The following PPP1R9A variants were observed in gnomAD, a reference collection of about 807,000 sequenced individuals.
PPP1R9A encodes neurabin-1.
A neutral mutation model predicts 141.9 loss-of-function variants in PPP1R9A; 59 were observed. The observed-to-expected ratio is 0.42, with a 90% CI of 0.34 to 0.52. The LOEUF (loss-of-function observed/expected upper bound fraction) is 0.52. Among genes scored for constraint, PPP1R9A ranks in the 20% least tolerant of loss-of-function variants. The probability of loss-of-function intolerance (pLI) is 0.10; values close to 1 mark genes in which losing one functional copy is unlikely to be tolerated. For missense variants in PPP1R9A, 1,444 were observed against 1,611.9 expected (o/e 0.90, Z 1.78); for synonymous variants, 500 against 569.7 (o/e 0.88, Z 1.74).
intron 16 of PPP1R9A, among the ~76,000 whole-genome samples, chr7:95,282,662 A>AT (rs1036402929): frequency 1.3e-5 from 2 of 152,160 alleles, no homozygotes; most frequent in Non-Finnish European, 2.9e-5. Flanking sequence ...AACCAGATTC[A>AT]TGTTTTTGGA....
At chr7:95,192,813 T>C (rs1338306855) in intron 5 of PPP1R9A, among the ~76,000 whole-genome samples, 4 of 151,910 alleles carry the variant, frequency 2.6e-5, no homozygotes, top group Admixed American at 6.6e-5. Context: ...ACTGAAATAA[T>C]AACCTTACTT....
intron 2 of PPP1R9A, among the ~76,000 whole-genome samples, chr7:95,077,685 T>G (rs527496774): frequency 6.6e-6 from 1 of 152,266 alleles, no homozygotes; most frequent in African/African-American, 2.4e-5. Flanking sequence ...GGGAGGTATG[T>G]AAGAAATAAT....
At position 95,069,452 on chromosome 7, in the gene PPP1R9A, G is replaced by A. The variant is rs113816910; in HGVS notation, c.1396-41807G>A. 2.3e-4 allele frequency among the ~76,000 whole-genome samples: 35 copies of A among 151,980 alleles called. 2 individuals carry two copies. Among genetic ancestry groups the A allele is most frequent in the Admixed American group, 6.6e-4 (10 of 15,240 alleles). On this transcript the variant is annotated intron_variant, in intron 2 of 19. Coordinates refer to ENST00000433360, the MANE Select transcript of PPP1R9A (RefSeq NM_001166160.2). The stretch of plus-strand genomic sequence containing the variant: ...AAAATGGAAGGAGAGGGAAGGAGGA[G>A]TATAGGTTGGGTTTGAAGTACTTTA...
chr7:95,101,440 A>C (rs1818784197), intron 2 of PPP1R9A, among the ~76,000 whole-genome samples: 1 of 152,188 alleles, frequency 6.6e-6, no homozygotes, highest in South Asian at 2.1e-4. Context: ...CAGTATAGTC[A>C]CTAAGGTACT....
chr7:94,935,006 C>T (rs1367668529), intron 2 of PPP1R9A, among the ~76,000 whole-genome samples: 5 of 152,074 alleles, frequency 3.3e-5, no homozygotes, highest in South Asian at 2.1e-4. Context: ...AGTACAGTTG[C>T]GCTCCACTGC....
chr7:95,092,346 C>CTTTTT (rs113520728), intron 2 of PPP1R9A, among the ~76,000 whole-genome samples: 1 of 139,658 alleles, frequency 7.2e-6, no homozygotes, highest in Non-Finnish European at 1.5e-5. Flanking sequence ...ATACTACACG[C>CTTTTT]TTTTTTTTTT....
intron 8 of PPP1R9A, among the ~76,000 whole-genome samples, chr7:95,243,686 T>A (rs1175514911): frequency 6.6e-6 from 1 of 152,110 alleles, no homozygotes; most frequent in Non-Finnish European, 1.5e-5. Flanking sequence ...TCTGGTTTTG[T>A]TTCCGCTCCA....
intron 2 of PPP1R9A, among the ~76,000 whole-genome samples, chr7:94,975,371 T>TG (rs1563070088): frequency 6.7e-6 from 1 of 148,946 alleles, no homozygotes; most frequent in African/African-American, 2.5e-5. Context: ...TTTTTTTTTT[T>TG]TTTTTTTTTT....
intron 2 of PPP1R9A, among the ~76,000 whole-genome samples, chr7:95,028,096 A>G (rs1276505908): frequency 6.6e-6 from 1 of 152,144 alleles, no homozygotes; most frequent in Non-Finnish European, 1.5e-5. Context: ...GTCTCATATC[A>G]CCAAAGGTTC....
intron 5 of PPP1R9A, among the ~76,000 whole-genome samples, chr7:95,191,027 TATC>T (rs1379108958): frequency 3.3e-5 from 5 of 152,258 alleles, no homozygotes; most frequent in Non-Finnish European, 7.3e-5. Context: ...ATTCATAAAT[TATC>T]ATTTTTATAA....
At chr7:95,208,596 T>C (rs912877767) in intron 7 of PPP1R9A, among the ~76,000 whole-genome samples, 11 of 151,644 alleles carry the variant, frequency 7.3e-5, no homozygotes, top group Admixed American at 1.3e-4. Flanking sequence ...TGGTGGTGGG[T>C]GCCTGTAGTC....
At chr7:95,007,544 C>A (rs1232482925) in intron 2 of PPP1R9A, among the ~76,000 whole-genome samples, 2 of 152,236 alleles carry the variant, frequency 1.3e-5, no homozygotes, top group East Asian at 1.9e-4. Context: ...TGTATAAGAA[C>A]CCAGTAATTT....
chr7:95,120,560 G>A lies in PPP1R9A; in HGVS notation c.1529-152G>A, dbSNP rs1286502766. 14 of 838,452 alleles carry A rather than the reference G, an allele frequency of 1.7e-5. No individual in the cohort carries two copies. The Admixed American group carries it at 3.7e-4, about 22-fold the overall frequency. 51.9% of individuals were successfully genotyped at this position (838,452 alleles called of 1,614,324 possible). On this transcript the variant is annotated intron_variant, in intron 3 of 19. Transcript: ENST00000433360. ...TCTCATTAGATACCCTTACTGCGTAGCTTAGAAAAGAATTCTGCTAAAGCA... is the reference window on the plus strand; with the variant it reads ...TCTCATTAGATACCCTTACTGCGTAACTTAGAAAAGAATTCTGCTAAAGCA...
chr7:95,132,504 A>G (rs549725628), intron 4 of PPP1R9A, among the ~76,000 whole-genome samples: 2 of 152,260 alleles, frequency 1.3e-5, no homozygotes, highest in South Asian at 2.1e-4. Flanking sequence ...TATATGTTGA[A>G]CCAACTGTCA....
At chr7:94,955,291 A>G (rs1796965391) in intron 2 of PPP1R9A, among the ~76,000 whole-genome samples, 1 of 152,132 alleles carries the variant, frequency 6.6e-6, no homozygotes, top group Admixed American at 6.5e-5. Context: ...TAGTAAGATA[A>G]ACTTAGTATA....
intron 2 of PPP1R9A, among the ~76,000 whole-genome samples, chr7:94,938,712 A>C (rs1382883274): frequency 6.6e-6 from 1 of 152,162 alleles, no homozygotes; most frequent in Admixed American, 6.5e-5. Flanking sequence ...TTTTTAAACT[A>C]ATCTGTAAAT....
At chr7:95,146,705 T>G (rs1563309738) in intron 4 of PPP1R9A, among the ~76,000 whole-genome samples, 1 of 152,218 alleles carries the variant, frequency 6.6e-6, no homozygotes, top group Non-Finnish European at 1.5e-5. Flanking sequence ...AGTTTCAGTT[T>G]TCTGCATATA....
intron 2 of PPP1R9A, among the ~76,000 whole-genome samples, chr7:94,956,753 G>A (rs1797117496): frequency 1.3e-5 from 2 of 151,976 alleles, no homozygotes; most frequent in Non-Finnish European, 2.9e-5. Flanking sequence ...CTCCCCGAAG[G>A]CAAATCTTAT....
At chr7:94,948,912 C>T (rs1026626635) in intron 2 of PPP1R9A, among the ~76,000 whole-genome samples, 8 of 152,050 alleles carry the variant, frequency 5.3e-5, no homozygotes, top group Non-Finnish European at 1.0e-4. Flanking sequence ...TATATCACTA[C>T]GCCAAAACCC....
Sources: allele counts gnomAD v4.1 joint callset (sites outside exome capture counted in the v4.1 genomes callset), GRCh38; gene constraint gnomAD v4.1.1; transcripts MANE v1.5; gene names NCBI Gene and HGNC (gene_info 2026-07-23, HGNC 2026-07-21).